The following CRLS1 variants were observed in gnomAD, a reference collection of about 807,000 sequenced individuals.
The protein encoded by CRLS1 is cardiolipin synthase 1, also known as cardiolipin synthase (CMP-forming).
In CRLS1, 24 loss-of-function variants were observed where a neutral mutation model predicts 37.0. That is an observed-to-expected ratio of 0.65 (90% CI 0.47 to 0.91). The LOEUF (loss-of-function observed/expected upper bound fraction) is 0.91, where lower values mean the gene tolerates loss of function less well. Ranked by LOEUF, CRLS1 falls within the 40% of genes least tolerant of loss-of-function variation. CRLS1 has a pLI of 0.00. For missense variants in CRLS1, 373 were observed against 395.8 expected (o/e 0.94, Z 0.49); for synonymous variants, 135 against 159.7 (o/e 0.85, Z 1.17).
chr20:6,011,838 G>A (rs116792431), intron 2 of CRLS1, among the ~76,000 whole-genome samples: 3,970 of 151,346 alleles, frequency 0.026, 165 homozygotes, highest in African/African-American at 0.091. Context: ...CACCCACCTC[G>A]GCCTCCCTCG....
At chr20:6,029,311 T>A (rs551665080) in intron 3 of CRLS1, among the ~76,000 whole-genome samples, 1 of 152,246 alleles carries the variant, frequency 6.6e-6, no homozygotes, top group Admixed American at 6.5e-5. Flanking sequence ...TTGCATGTTC[T>A]TCCATGCATA....
chr20:6,009,555 T>A lies in CRLS1; in HGVS notation c.307-220T>A, dbSNP rs571749002. On this transcript the variant is annotated intron_variant, in intron 1 of 6. Transcript: ENST00000378863. ...GTGCAGGGATTATAGGCGTGAGCCA[T>A]CATGCCCAGCCATCTTCTGTATTCT... is the stretch of plus-strand genomic sequence containing the variant. Among the ~76,000 whole-genome samples the A allele has an allele frequency of 3.3e-5, 5 of 152,324 alleles. 1 individual carries two copies. The highest frequency in any genetic ancestry group is 1.2e-4 in the African/African-American group (5 of 41,574).
At chr20:6,033,389 G>A (rs1980323185) in intron 5 of CRLS1, among the ~76,000 whole-genome samples, 2 of 152,254 alleles carry the variant, frequency 1.3e-5, no homozygotes, top group South Asian at 4.1e-4. Flanking sequence ...ACCCATCTCG[G>A]CCTCCCAAAG....
At chr20:6,027,270 A>G (rs1329161339) in intron 3 of CRLS1, among the ~76,000 whole-genome samples, 3 of 151,618 alleles carry the variant, frequency 2.0e-5, no homozygotes, top group African/African-American at 7.3e-5. Flanking sequence ...TTTTTAGTAG[A>G]GACAGGGTTT....
intron 3 of CRLS1, chr20:6,028,166 G>A (rs1979872675): frequency 6.6e-6 from 1 of 152,126 alleles, no homozygotes; most frequent in African/African-American, 2.4e-5. Context: ...CTAAGAGTAA[G>A]AAATATCTTC....
chr20:6,032,474 C>T lies in CRLS1; in HGVS notation c.729+394C>T, dbSNP rs117263467. Among the ~76,000 whole-genome samples, 78 of 150,244 alleles carry T rather than the reference C, an allele frequency of 5.2e-4. 1 individual carries two copies. The East Asian group carries it at 0.015, about 28-fold the overall frequency. ...TTGGGTTCCCAAATTATTGGGATTA[C>T]AGGAGTGAGCCACCAAGCTTGGCTG... is the stretch of plus-strand genomic sequence containing the variant. On this transcript the variant is annotated intron_variant, in intron 5 of 6. Transcript: ENST00000378863.
At chr20:6,020,582 G>T (rs1056733964) in intron 3 of CRLS1, among the ~76,000 whole-genome samples, 3 of 151,314 alleles carry the variant, frequency 2.0e-5, no homozygotes, top group Non-Finnish European at 4.4e-5. Context: ...CAGTTCTTGG[G>T]TATGATGTTC....
chr20:6,020,407 AT>A (rs1176109297), intron 3 of CRLS1, among the ~76,000 whole-genome samples: 2 of 151,982 alleles, frequency 1.3e-5, no homozygotes, highest in East Asian at 3.9e-4. Context: ...ATTTGTTGCC[AT>A]TTTTGTGGGG....
Position 6,033,125 on chromosome 20 carries a change from T to A in CRLS1, c.729+1045T>A, listed in dbSNP as rs7271586. Reference sequence around the variant, plus strand: ...ATTTTATTTTAATTTAATTTAATTTTATTTTATTTTATTATTTTTTATAGA... The same window carrying A: ...ATTTTATTTTAATTTAATTTAATTTAATTTTATTTTATTATTTTTTATAGA... On this transcript the variant is annotated intron_variant, in intron 5 of 6. Coordinates refer to ENST00000378863, the MANE Select transcript of CRLS1 (RefSeq NM_019095.6). 2.1e-3 allele frequency among the ~76,000 whole-genome samples: 317 copies of A among 150,746 alleles called. 5 individuals are homozygous for A. Among genetic ancestry groups the A allele is most frequent in the Middle Eastern group, 0.01 (3 of 290 alleles).
intron 6 of CRLS1, among the ~76,000 whole-genome samples, chr20:6,036,320 G>A (rs1044135394): frequency 6.6e-6 from 1 of 152,158 alleles, no homozygotes; most frequent in Non-Finnish European, 1.5e-5. Context: ...AAAGTGGCAT[G>A]AACAGGTTCA....
At chr20:6,006,888 C>T (rs2090064008) in intron 1 of CRLS1, 1 of 905,652 alleles carries the variant, frequency 1.1e-6, no homozygotes, top group South Asian at 5.1e-5. Flanking sequence ...TGAAGTGAAT[C>T]CCCAGTGTTT....
intron 3 of CRLS1, among the ~76,000 whole-genome samples, chr20:6,023,967 T>C (rs62205720): frequency 0.016 from 2,312 of 140,556 alleles, 58 homozygotes; most frequent in African/African-American, 0.058. Flanking sequence ...TTTTTTTTTT[T>C]CCTGAGACAG....
intron 3 of CRLS1, among the ~76,000 whole-genome samples, chr20:6,027,492 C>A (rs1209677085): frequency 6.6e-6 from 1 of 152,142 alleles, no homozygotes; most frequent in African/African-American, 2.4e-5. Context: ...ACTGCAACCT[C>A]TGCCTCCCAA....
chr20:6,029,138 A>ATT lies in CRLS1; in HGVS notation c.575-2135_575-2134dup, dbSNP rs11087706. ...GGGCAGTCAGTTTGGGGAACCCTTG[A>ATT]TTTTTTTTTTTTTAATAGCTCTTTC... is the stretch of plus-strand genomic sequence containing the variant. On this transcript the variant is annotated intron_variant, in intron 3 of 6. Transcript: ENST00000378863. 5.1e-3 allele frequency among the ~76,000 whole-genome samples: 747 copies of ATT among 147,520 alleles called. 3 individuals carry two copies. The highest frequency in any genetic ancestry group is 8.3e-3 in the Non-Finnish European group (556 of 66,622).
chr20:6,019,092 T>C (rs1159178303), intron 3 of CRLS1, among the ~76,000 whole-genome samples: 2 of 152,228 alleles, frequency 1.3e-5, no homozygotes, highest in Admixed American at 1.3e-4. Flanking sequence ...TGGAAGATGT[T>C]TGATTATGAA....
intron 3 of CRLS1, among the ~76,000 whole-genome samples, chr20:6,026,962 A>G (rs1979757487): frequency 6.6e-6 from 1 of 152,176 alleles, no homozygotes; most frequent in Admixed American, 6.6e-5. Context: ...TTTGTGGGTA[A>G]TGTGATCTCT....
chr20:6,009,317 C>T (rs1231075427), intron 1 of CRLS1, among the ~76,000 whole-genome samples: 2 of 118,950 alleles, frequency 1.7e-5, no homozygotes, highest in African/African-American at 3.4e-5. Flanking sequence ...AACTAGACTC[C>T]ATCTCAAAAA....
At chr20:6,024,032 G>A (rs918840914) in intron 3 of CRLS1, among the ~76,000 whole-genome samples, 7 of 151,732 alleles carry the variant, frequency 4.6e-5, no homozygotes, top group East Asian at 3.9e-4. Context: ...GCCTCACTGC[G>A]GCCTTGACCT....
intron 3 of CRLS1, among the ~76,000 whole-genome samples, chr20:6,030,531 A>G (rs1980084671): frequency 6.6e-6 from 1 of 152,086 alleles, no homozygotes; most frequent in Non-Finnish European, 1.5e-5. Flanking sequence ...TAGACCAGCC[A>G]GGACAACATG....
Sources: gnomAD v4.1 joint callset for allele counts (sites outside exome capture counted in the v4.1 genomes callset) on GRCh38, gnomAD v4.1.1 for gene constraint, MANE v1.5 for transcripts, NCBI Gene and HGNC (gene_info 2026-07-23, HGNC 2026-07-21) for gene names.